Variants in MALRD1 observed in about 807,000 individuals in gnomAD.
MALRD1 encodes MAM and LDL-receptor class A domain-containing protein 1.
In MALRD1, 247 loss-of-function variants were observed where a neutral mutation model predicts 242.1. The ratio of observed to expected loss-of-function variants is 1.02; its 90% CI spans 0.92 to 1.13. The LOEUF (loss-of-function observed/expected upper bound fraction) is 1.13, where lower values mean the gene tolerates loss of function less well. Ranked by LOEUF, MALRD1 falls within the 50% of genes most tolerant of loss-of-function variation. The pLI is 0.00. For missense variants in MALRD1, 2,989 were observed against 2,533.1 expected (o/e 1.18, Z -3.86); for synonymous variants, 995 against 866.6 (o/e 1.15, Z -2.60).
rs559256739 is a variant in MALRD1, at chr10:19,383,552, T to C, written c.4442-3976T>C. On this transcript the variant is annotated intron_variant, in intron 26 of 39. Coordinates refer to ENST00000454679, the MANE Select transcript of MALRD1 (RefSeq NM_001142308.3). Reference sequence around the variant, plus strand: ...TTATGGTAGAATGATTTATATTCCTTTGATAACTTTTTGATAATGAATATG... The same window carrying C: ...TTATGGTAGAATGATTTATATTCCTCTGATAACTTTTTGATAATGAATATG... Among the ~76,000 whole-genome samples, 5 of 152,208 alleles carry C rather than the reference T, an allele frequency of 3.3e-5. No homozygotes were observed. In the South Asian group the frequency reaches 1.0e-3, roughly 32 times the overall value.
chr10:19,326,113 G>T (rs1168974247), intron 22 of MALRD1, among the ~76,000 whole-genome samples: 2 of 152,122 alleles, frequency 1.3e-5, no homozygotes, highest in Non-Finnish European at 2.9e-5. Flanking sequence ...GCATGGTTAT[G>T]TTTAATAATC....
intron 36 of MALRD1, among the ~76,000 whole-genome samples, chr10:19,683,138 A>G (rs942592620): frequency 7.2e-5 from 11 of 151,744 alleles, no homozygotes; most frequent in African/African-American, 2.7e-4. Context: ...CTACCGGAAA[A>G]AAAAAAAGAA....
chr10:19,348,824 A>G (rs1844242110), intron 25 of MALRD1, among the ~76,000 whole-genome samples: 1 of 152,214 alleles, frequency 6.6e-6, no homozygotes, highest in South Asian at 2.1e-4. Flanking sequence ...TCTCTTGCTT[A>G]CAAGAGATGG....
In MALRD1 at chr10:19,074,747, A is replaced by G. The variant is rs573561793; in HGVS notation, c.340+7888A>G. Among the ~76,000 whole-genome samples the G allele has an allele frequency of 2.6e-5, 4 of 152,192 alleles. No homozygotes were observed. In the East Asian group the frequency reaches 7.7e-4, roughly 29 times the overall value. ...GAAAAATAGAAATATTTTTCTATGC[A>G]TCATTTGCTTTTCATTTGGCAGCAA... On this transcript the variant is annotated intron_variant, in intron 2 of 39. Transcript: ENST00000454679.
At chr10:19,502,997 A>G (rs570004754) in intron 31 of MALRD1, among the ~76,000 whole-genome samples, 1 of 152,276 alleles carries the variant, frequency 6.6e-6, no homozygotes, top group Admixed American at 6.5e-5. Flanking sequence ...TCACATGAAA[A>G]GTTTTGAATC....
At chr10:19,525,931 G>A (rs1019219840) in intron 31 of MALRD1, among the ~76,000 whole-genome samples, 16 of 152,172 alleles carry the variant, frequency 1.1e-4, no homozygotes, top group Non-Finnish European at 1.9e-4. Context: ...ACAAATAAAC[G>A]AAAATTCTGC....
chr10:19,531,752 A>G (rs1030008646), intron 32 of MALRD1, among the ~76,000 whole-genome samples: 4 of 152,198 alleles, frequency 2.6e-5, no homozygotes, highest in African/African-American at 9.7e-5. Flanking sequence ...TTGAGACTTT[A>G]AGTATATATC....
Position 19,521,396 on chromosome 10 carries a change from A to G in MALRD1, c.5321-9798A>G, listed in dbSNP as rs529673427. 1.9e-4 allele frequency among the ~76,000 whole-genome samples: 29 copies of G among 152,246 alleles called. No individual in the cohort carries two copies. In the South Asian group the frequency reaches 4.4e-3, roughly 23 times the overall value. On this transcript the variant is annotated intron_variant, in intron 31 of 39. Coordinates refer to ENST00000454679, the MANE Select transcript of MALRD1 (RefSeq NM_001142308.3). ...CAGTTCTCTCTGATCTTAACCAAAAAAAGACAAAATGAAATAAACTTAGTC... is the reference window on the plus strand; with the variant it reads ...CAGTTCTCTCTGATCTTAACCAAAAGAAGACAAAATGAAATAAACTTAGTC...
chr10:19,522,960 A>C (rs932468582), intron 31 of MALRD1, among the ~76,000 whole-genome samples: 5 of 152,200 alleles, frequency 3.3e-5, no homozygotes, highest in Non-Finnish European at 5.9e-5. Context: ...TTATTCAATC[A>C]ATAACTTGCA....
intron 21 of MALRD1, among the ~76,000 whole-genome samples, chr10:19,306,972 T>G (rs998080401): frequency 2.0e-5 from 3 of 151,366 alleles, no homozygotes; most frequent in African/African-American, 7.3e-5. Flanking sequence ...CAATTCAAGA[T>G]GAGATATTGG....
chr10:19,692,770 GATT>G (rs1211503341), intron 38 of MALRD1, among the ~76,000 whole-genome samples: 2 of 143,390 alleles, frequency 1.4e-5, no homozygotes, highest in Non-Finnish European at 3.0e-5. Flanking sequence ...TTACTTTTCA[GATT>G]ATATTAGGAG....
chr10:19,204,921 T>C lies in MALRD1; in HGVS notation c.2234T>C (p.Val745Ala). 1 of 1,549,054 alleles carries C rather than the reference T, an allele frequency of 6.5e-7. No homozygotes were observed. The highest frequency in any genetic ancestry group is 8.7e-7 in the Non-Finnish European group (1 of 1,145,748). ...AGGTTCTATAACTATGGCCTGTCAGTGGGAGCAGCTGAGCTGCAGCTACAT... is the reference window on the plus strand; with the variant it reads ...AGGTTCTATAACTATGGCCTGTCAGCGGGAGCAGCTGAGCTGCAGCTACAT... ...SFWFYNYGLS[V>A]GAAELQLHME... Residue 745 changes from valine (V) to alanine (A), a missense_variant, in exon 17 of 40, where the codon GTG (valine) becomes GCG (alanine). Coordinates refer to ENST00000454679, the MANE Select transcript of MALRD1 (RefSeq NM_001142308.3).
intron 25 of MALRD1, 71 bp from the exon 26 acceptor site, chr10:19,351,935 T>C: frequency 7.7e-7 from 1 of 1,300,138 alleles, no homozygotes; most frequent in Non-Finnish European, 1.0e-6. Flanking sequence ...GGCAATGTGA[T>C]AGAATTGAAA....
intron 28 of MALRD1, among the ~76,000 whole-genome samples, chr10:19,398,889 G>T (rs1275814359): frequency 2.6e-5 from 4 of 152,154 alleles, no homozygotes; most frequent in Non-Finnish European, 4.4e-5. Context: ...AGTATAAATA[G>T]GTTTAAATGC....
intron 21 of MALRD1, among the ~76,000 whole-genome samples, chr10:19,321,890 T>C (rs1842926948): frequency 1.3e-5 from 2 of 152,074 alleles, no homozygotes; most frequent in Admixed American, 1.3e-4. Context: ...TTATTCTAAG[T>C]GATGTGTGAA....
At chr10:19,283,378 T>C (rs181405603) in intron 21 of MALRD1, among the ~76,000 whole-genome samples, 197 bp downstream of exon 21, 2 of 152,330 alleles carry the variant, frequency 1.3e-5, no homozygotes, top group East Asian at 1.9e-4. Context: ...GTGAATTTCA[T>C]AGAAACCGGA....
chr10:19,364,950 G>A (rs1845045945), intron 26 of MALRD1, among the ~76,000 whole-genome samples: 1 of 152,016 alleles, frequency 6.6e-6, no homozygotes, highest in Non-Finnish European at 1.5e-5. Flanking sequence ...TTATCTGAGT[G>A]CTATTATTTC....
intron 28 of MALRD1, among the ~76,000 whole-genome samples, chr10:19,433,119 A>C (rs1412782): frequency 0.62 from 94,256 of 152,026 alleles, 29,425 homozygotes; most frequent in Middle Eastern, 0.7. Context: ...ATTTTTATCT[A>C]ATCAAAGAGA....
intron 5 of MALRD1, among the ~76,000 whole-genome samples, chr10:19,106,867 T>C (rs574883115): frequency 6.6e-6 from 1 of 152,132 alleles, no homozygotes; most frequent in East Asian, 1.9e-4. Context: ...TTAAATGTTC[T>C]ATTTAATTTC....
Sources: gnomAD v4.1 joint callset for allele counts (sites outside exome capture counted in the v4.1 genomes callset) on GRCh38, gnomAD v4.1.1 for gene constraint, MANE v1.5 for transcripts, NCBI Gene and HGNC (gene_info 2026-07-23, HGNC 2026-07-21) for gene names.